The following FUT8 variants were observed in gnomAD, a reference collection of about 807,000 sequenced individuals.
The protein encoded by FUT8 is fucosyltransferase 8, also known as alpha-(1,6)-fucosyltransferase.
In FUT8, 29 loss-of-function variants were observed where a neutral mutation model predicts 71.3. That is an observed-to-expected ratio of 0.41 (90% CI 0.30 to 0.55). The LOEUF (loss-of-function observed/expected upper bound fraction) is 0.55. Ranked by LOEUF, FUT8 falls within the 20% of genes least tolerant of loss-of-function variation. FUT8 has a pLI of 0.34. For synonymous variants in FUT8, 254 were observed against 239.3 expected (o/e 1.06, Z -0.57); for missense variants, 544 against 702.1 (o/e 0.77, Z 2.55).
intron 2 of FUT8, among the ~76,000 whole-genome samples, chr14:65,560,455 A>G (rs898611718): frequency 1.3e-5 from 2 of 152,176 alleles, no homozygotes; most frequent in African/African-American, 4.8e-5. Context: ...TGCAGGGATT[A>G]CAGATGTGAG....
At chr14:65,733,525 T>C (rs1190973802) in intron 10 of FUT8, 144 bp downstream of exon 10, 4 of 542,564 alleles carry the variant, frequency 7.4e-6, no homozygotes, top group Non-Finnish European at 1.3e-5. Flanking sequence ...ATGATCCCTT[T>C]TGTGAAAGAA....
At chr14:65,498,414 CTG>C (rs2066593513) in intron 2 of FUT8, among the ~76,000 whole-genome samples, 1 of 152,076 alleles carries the variant, frequency 6.6e-6, no homozygotes, top group African/African-American at 2.4e-5. Context: ...GGTTAAGTAA[CTG>C]TATTTTTAAT....
intron 2 of FUT8, chr14:65,479,642 A>G (rs551458898): frequency 1.3e-5 from 2 of 148,276 alleles, no homozygotes; most frequent in African/African-American, 2.5e-5. Context: ...TTCCCCTTCT[A>G]TCCCCCTCCC....
At position 65,426,898 on chromosome 14, in the gene FUT8, G is replaced by A. The variant is rs573884751; in HGVS notation, c.-326+13684G>A. Among the ~76,000 whole-genome samples, 460 of 151,768 alleles carry A rather than the reference G, an allele frequency of 3.0e-3. 2 individuals are homozygous for A. Among genetic ancestry groups the A allele is most frequent in the African/African-American group, 0.01 (428 of 41,348 alleles). On this transcript the variant is annotated intron_variant, in intron 1 of 10. Coordinates refer to ENST00000673929, the MANE Select transcript of FUT8 (RefSeq NM_001371533.1). The stretch of plus-strand genomic sequence containing the variant: ...TTTTGAGACGGAGTCTCTCTTTGTC[G>A]CCCAGGCTGGAGTGCAGTGGTGTGA...
At chr14:65,388,924 AAAC>A in the FUT8 span, among the ~76,000 whole-genome samples, 1 of 152,116 alleles carries the variant, frequency 6.6e-6, no homozygotes, top group African/African-American at 2.4e-5. Context: ...TAAAATATAA[AAAC>A]AAGATCACTA....
At chr14:65,462,255 G>A (rs751412370) in intron 2 of FUT8, among the ~76,000 whole-genome samples, 1 of 152,122 alleles carries the variant, frequency 6.6e-6, no homozygotes, top group Non-Finnish European at 1.5e-5. Context: ...TTGTTTATTT[G>A]GGTGAAGCTA....
chr14:65,608,414 G>A (rs902849010), intron 3 of FUT8, among the ~76,000 whole-genome samples: 3 of 151,894 alleles, frequency 2.0e-5, no homozygotes, highest in African/African-American at 7.2e-5. Flanking sequence ...TTTTTGATGG[G>A]AAAAGTTTAA....
rs74629901 is a variant in FUT8, at chr14:65,606,457, T to C, written c.204-9521T>C. On this transcript the variant is annotated intron_variant, in intron 3 of 10. Transcript: ENST00000673929. ...TGGGCTTTTAAAAAAAAATCTTATT[T>C]AAGAAATTCTTTTCTCTCCCAAGAT... is the stretch of plus-strand genomic sequence containing the variant. 6.2e-3 allele frequency among the ~76,000 whole-genome samples: 949 copies of C among 151,996 alleles called. 15 individuals are homozygous for C. The highest frequency in any genetic ancestry group is 0.035 in the East Asian group (184 of 5,192).
chr14:65,397,381 C>T, the FUT8 span, among the ~76,000 whole-genome samples: 1 of 152,194 alleles, frequency 6.6e-6, no homozygotes, highest in African/African-American at 2.4e-5. This position sits in a 1 kb window ranked among gnomAD's most constrained non-coding sequence, Gnocchi z 4.2. Context: ...ATCTGGTGTA[C>T]AGCAGGTCCT....
chr14:65,454,641 A>G (rs1022137434), intron 1 of FUT8, among the ~76,000 whole-genome samples: 2 of 152,230 alleles, frequency 1.3e-5, no homozygotes, highest in African/African-American at 4.8e-5. Flanking sequence ...ACAATTAATA[A>G]TGTCAATCAG....
At chr14:65,683,547 G>T (rs1893138278) in intron 7 of FUT8, among the ~76,000 whole-genome samples, 1 of 152,108 alleles carries the variant, frequency 6.6e-6, no homozygotes, top group Admixed American at 6.5e-5. Flanking sequence ...TGCCATGAAA[G>T]ATTTATATTT....
chr14:65,616,444 G>GGA, intron 5 of FUT8, 71 bp downstream of exon 5: 1 of 1,305,482 alleles, frequency 7.7e-7, no homozygotes, highest in Non-Finnish European at 1.0e-6. Context: ...AAACAGACTT[G>GGA]TTAATCCATC....
intron 3 of FUT8, among the ~76,000 whole-genome samples, chr14:65,606,908 A>C (rs1277424642): frequency 1.3e-5 from 2 of 151,830 alleles, no homozygotes; most frequent in Non-Finnish European, 2.9e-5. Flanking sequence ...GAAAATTTAT[A>C]ATTTTTTAAT....
Position 65,627,347 on chromosome 14 carries a change from A to G in FUT8, c.483-2145A>G, listed in dbSNP as rs1184509857. On this transcript the variant is annotated intron_variant, in intron 5 of 10. Transcript: ENST00000673929. This position sits in a 1 kb window ranked among gnomAD's most constrained non-coding sequence, Gnocchi z 4.0. ...GGAAATAATTTGGCCAGGGGAACAT[A>G]AGGCAGAGTGAGAGATCAAGGCAAG... is the stretch of plus-strand genomic sequence containing the variant. Among the ~76,000 whole-genome samples the G allele has an allele frequency of 6.6e-6, 1 of 152,176 alleles. No individual in the cohort carries two copies. The highest frequency in any genetic ancestry group is 1.5e-5 in the Non-Finnish European group (1 of 68,022).
chr14:65,573,282 A>T (rs1166811645), intron 3 of FUT8, among the ~76,000 whole-genome samples: 3 of 152,168 alleles, frequency 2.0e-5, no homozygotes, highest in Non-Finnish European at 4.4e-5. Flanking sequence ...GTGGAATGTA[A>T]GGTAAGATCA....
intron 3 of FUT8, among the ~76,000 whole-genome samples, chr14:65,573,109 G>A (rs1382972959): frequency 6.6e-6 from 1 of 152,048 alleles, no homozygotes; most frequent in Non-Finnish European, 1.5e-5. Flanking sequence ...ATTTGGAGTT[G>A]GCTCAGTGGG....
chr14:65,709,239 T>A (rs540812285), intron 7 of FUT8, among the ~76,000 whole-genome samples: 12 of 152,318 alleles, frequency 7.9e-5, no homozygotes, highest in African/African-American at 2.9e-4. Context: ...CTTGGCCGTT[T>A]TATTAACAAT....
chr14:65,535,846 A>G (rs1884267192), intron 2 of FUT8, among the ~76,000 whole-genome samples: 2 of 152,084 alleles, frequency 1.3e-5, no homozygotes. Context: ...TTAATTTTTT[A>G]TCTCAATGAT....
At chr14:65,695,811 C>A (rs1244098429) in intron 7 of FUT8, among the ~76,000 whole-genome samples, 1 of 151,700 alleles carries the variant, frequency 6.6e-6, no homozygotes, top group Non-Finnish European at 1.5e-5. Context: ...TTTTTGTGTC[C>A]TTTTTTATCT....
Sources: gnomAD v4.1 joint callset for allele counts (sites outside exome capture counted in the v4.1 genomes callset) on GRCh38, gnomAD v4.1.1 for gene constraint, Gnocchi (gnomAD v3.1) non-coding constraint, MANE v1.5 for transcripts, NCBI Gene and HGNC (gene_info 2026-07-23, HGNC 2026-07-21) for gene names.